Variants in ADARB1 observed in about 807,000 individuals in gnomAD.
The protein encoded by ADARB1 is double-stranded RNA-specific editase 1.
In ADARB1, 10 loss-of-function variants were observed where a neutral mutation model predicts 52.4. The observed-to-expected ratio is 0.19, with a 90% confidence interval of 0.12 to 0.32. The LOEUF (loss-of-function observed/expected upper bound fraction) is 0.32, where lower values mean the gene tolerates loss of function less well. Ranked by LOEUF, ADARB1 falls within the 10% of genes least tolerant of loss-of-function variation. ADARB1 has a pLI of 1.00. For missense variants in ADARB1, 643 were observed against 922.3 expected, an observed-to-expected ratio of 0.70 and a Z score of 3.92; for synonymous variants, 349 against 371.1, an observed-to-expected ratio of 0.94 and a Z score of 0.68.
chr21:45,197,466 C>T (rs1332261536), intron 8 of ADARB1, among the ~76,000 whole-genome samples: 1 of 151,008 alleles, frequency 6.6e-6, no homozygotes, highest in Non-Finnish European at 1.5e-5. Context: ...CGCCACTGCG[C>T]TCCAGCCTGG....
At chr21:45,173,832 C>G (rs1178309925) in intron 3 of ADARB1, among the ~76,000 whole-genome samples, 1 of 151,704 alleles carries the variant, frequency 6.6e-6, no homozygotes, top group African/African-American at 2.4e-5. Flanking sequence ...TCAGCTTTGT[C>G]AACTGGGAGA....
intron 9 of ADARB1, among the ~76,000 whole-genome samples, chr21:45,217,469 C>T (rs1216516763): frequency 6.6e-6 from 1 of 152,048 alleles, no homozygotes; most frequent in Non-Finnish European, 1.5e-5. Context: ...GTAAAAGAAC[C>T]TTACAACAGG....
At chr21:45,092,194 G>A (rs1016940190) in intron 1 of ADARB1, among the ~76,000 whole-genome samples, 1 of 152,136 alleles carries the variant, frequency 6.6e-6, no homozygotes, top group Non-Finnish European at 1.5e-5. Flanking sequence ...TTCAGAAGGT[G>A]CAGCCTTGCC....
Position 45,200,584 on chromosome 21 carries a change from G to T in ADARB1, c.1566-3971G>T, listed in dbSNP as rs911554230. On this transcript the variant is annotated intron_variant, in intron 8 of 10. Coordinates refer to ENST00000348831, the MANE Select transcript of ADARB1 (RefSeq NM_001112.4). This position sits in a 1 kb window ranked among gnomAD's most constrained non-coding sequence, Gnocchi z 5.0. ...GCACAGGAAGGGGGATGGCTTTATTGTAGGGAAAGGGGGAGGCTTTGGGTA... is the reference window on the plus strand; with the variant it reads ...GCACAGGAAGGGGGATGGCTTTATTTTAGGGAAAGGGGGAGGCTTTGGGTA... Among the ~76,000 whole-genome samples the T allele has an allele frequency of 1.3e-5, 2 of 152,174 alleles. No homozygotes were observed. The highest frequency in any genetic ancestry group is 4.1e-4 in the South Asian group (2 of 4,826).
At chr21:45,189,911 T>G (rs1463742452) in intron 8 of ADARB1, among the ~76,000 whole-genome samples, 1 of 152,288 alleles carries the variant, frequency 6.6e-6, no homozygotes, top group East Asian at 1.9e-4. Flanking sequence ...GATTAAAATG[T>G]GTCTTAGTGT....
chr21:45,218,688 G>A (rs1256838792), intron 9 of ADARB1, among the ~76,000 whole-genome samples: 2 of 152,186 alleles, frequency 1.3e-5, no homozygotes, highest in Non-Finnish European at 2.9e-5. Flanking sequence ...CTGTCATCTG[G>A]GTTTTGATAT....
chr21:45,205,852 G>A (rs2092655822), intron 9 of ADARB1, among the ~76,000 whole-genome samples: 1 of 152,140 alleles, frequency 6.6e-6, no homozygotes, highest in Non-Finnish European at 1.5e-5. Context: ...TGGGGTGTGT[G>A]TGTGCTTGTG....
At position 45,222,775 on chromosome 21, in the gene ADARB1, A is replaced by T. The variant is rs957894470; in HGVS notation, c.*578A>T. 1 of 985,798 alleles carries T rather than the reference A, an allele frequency of 1.0e-6. No individual in the cohort carries two copies. The highest frequency in any genetic ancestry group is 1.2e-6 in the Non-Finnish European group (1 of 830,232). 61.1% of individuals were successfully genotyped at this position (985,798 alleles called of 1,614,324 possible). ...TTTCTCCGTAGGTACCTCCCTGGGTAGTTCCACACACTAGGTTGTAACAGT... is the reference window on the plus strand; with the variant it reads ...TTTCTCCGTAGGTACCTCCCTGGGTTGTTCCACACACTAGGTTGTAACAGT... On this transcript the variant is annotated 3_prime_UTR_variant, in exon 11 of 11. Transcript: ENST00000348831.
chr21:45,175,850 G>A lies in ADARB1; in HGVS notation c.149G>A (p.Gly50Asp). ...QLSNGGGGGP[G>D]RKRPLEEGSN... The stretch of plus-strand genomic sequence containing the variant: ...TCCAATGGGGGTGGTGGTGGCCCCG[G>A]CAGAAAGCGGCCCCTGGAGGAGGGC... Residue 50 changes from glycine (G) to aspartate (D), a missense_variant, in exon 4 of 11, where the codon GGC (glycine) becomes GAC (aspartate). Coordinates refer to ENST00000348831, the MANE Select transcript of ADARB1 (RefSeq NM_001112.4). The A allele has an allele frequency of 1.2e-6, 2 of 1,613,826 alleles. No individual in the cohort carries two copies. Among genetic ancestry groups the A allele is most frequent in the Non-Finnish European group, 1.7e-6 (2 of 1,179,918 alleles).
intron 2 of ADARB1, among the ~76,000 whole-genome samples, chr21:45,135,938 G>T (rs1218801045): frequency 1.3e-5 from 2 of 152,162 alleles, no homozygotes; most frequent in East Asian, 3.9e-4. Flanking sequence ...ACCATGCACA[G>T]CCCCTTTCCA....
chr21:45,211,441 T>C lies in ADARB1; in HGVS notation c.1747+6705T>C, dbSNP rs557111686. 7.1e-4 allele frequency among the ~76,000 whole-genome samples: 108 copies of C among 152,354 alleles called. 1 individual carries two copies. Among genetic ancestry groups the C allele is most frequent in the African/African-American group, 2.6e-3 (107 of 41,578 alleles). On this transcript the variant is annotated intron_variant, in intron 9 of 10. Coordinates refer to ENST00000348831, the MANE Select transcript of ADARB1 (RefSeq NM_001112.4). ...GAATAAAGGCCACTTTCAGTCGAGA[T>C]TGTAAGTACACATTTTCCTTGATCC...
chr21:45,081,651 C>G (rs796817242), intron 1 of ADARB1, among the ~76,000 whole-genome samples: 5 of 152,196 alleles, frequency 3.3e-5, no homozygotes, highest in Admixed American at 1.3e-4. Context: ...TTGGCATGAC[C>G]GAGGAGACAG....
intron 1 of ADARB1, among the ~76,000 whole-genome samples, chr21:45,122,235 CTAAT>C (rs1356182718): frequency 6.6e-6 from 1 of 152,202 alleles, no homozygotes; most frequent in Non-Finnish European, 1.5e-5. Flanking sequence ...TTTCCACAGT[CTAAT>C]TAAATTATAA....
chr21:45,204,104 G>A lies in ADARB1; in HGVS notation c.1566-451G>A, dbSNP rs1293845406. Among the ~76,000 whole-genome samples the A allele has an allele frequency of 1.3e-5, 2 of 152,170 alleles. No individual in the cohort carries two copies. Among genetic ancestry groups the A allele is most frequent in the Admixed American group, 6.5e-5 (1 of 15,268 alleles). ...ATCCCGGGCTGGACAGCACAAGATC[G>A]CACCACACTCCTCAGAACGGCATAC... On this transcript the variant is annotated intron_variant, in intron 8 of 10. Coordinates refer to ENST00000348831, the MANE Select transcript of ADARB1 (RefSeq NM_001112.4). This position sits in a 1 kb window ranked among gnomAD's most constrained non-coding sequence, Gnocchi z 4.4.
chr21:45,223,661 G>A lies in ADARB1; in HGVS notation c.*1464G>A, dbSNP rs373423578. The A allele has an allele frequency of 2.0e-6, 2 of 985,610 alleles. No individual in the cohort carries two copies. Among genetic ancestry groups the A allele is most frequent in the South Asian group, 9.4e-5 (2 of 21,282 alleles). The allele number at this position is 985,610 out of a possible 1,614,324, so 61.1% of individuals were successfully genotyped here. A position where few individuals can be genotyped will look rare whatever the true frequency, so the allele number is the denominator to read the frequency against. On this transcript the variant is annotated 3_prime_UTR_variant, in exon 11 of 11. Coordinates refer to ENST00000348831, the MANE Select transcript of ADARB1 (RefSeq NM_001112.4). Reference sequence around the variant, plus strand: ...CTGCCACAGCGAAATCCAGGGTGTTGGCACCTGTGTGTCCGTGATGAGCCT... The same window carrying A: ...CTGCCACAGCGAAATCCAGGGTGTTAGCACCTGTGTGTCCGTGATGAGCCT...
intron 9 of ADARB1, among the ~76,000 whole-genome samples, chr21:45,218,467 T>C (rs2092907303): frequency 6.6e-6 from 1 of 152,234 alleles, no homozygotes; most frequent in South Asian, 2.1e-4. Context: ...GGAGGCTGTT[T>C]CCCAGCCTTG....
chr21:45,131,660 C>T (rs185449076), intron 2 of ADARB1, among the ~76,000 whole-genome samples: 120 of 152,290 alleles, frequency 7.9e-4, no homozygotes, highest in African/African-American at 2.7e-3. Context: ...GCCGCCTGAC[C>T]GACTGGTCAG....
Position 45,220,960 on chromosome 21 carries a change from G to A in ADARB1, c.1872G>A (p.Ala624=), listed in dbSNP as rs202057345. ...CTGGGAAGGATGAGCTGGGCCGCGC[G>A]TCCCGCCTGTGTAAGCACGCGTTGT... is the stretch of plus-strand genomic sequence containing the variant. The part of the protein sequence containing the change: ...ATTGKDELGR[A]SRLCKHALYC... Residue 624 remains alanine (A), a synonymous_variant, in exon 10 of 11, where the codon GCG becomes GCA. Transcript: ENST00000348831. The surrounding 1 kb of genome is among the most constrained non-coding windows in gnomAD (Gnocchi z 6.3). 2.8e-4 allele frequency: 453 copies of A among 1,613,210 alleles called. 2 individuals carry two copies. The highest frequency in any genetic ancestry group is 5.0e-5 in the Admixed American group (3 of 60,032).
chr21:45,216,297 A>G (rs1208156949), intron 9 of ADARB1, among the ~76,000 whole-genome samples: 1 of 151,670 alleles, frequency 6.6e-6, no homozygotes, highest in African/African-American at 2.4e-5. Flanking sequence ...TTTGTTTTAT[A>G]TTTCAATAAT....
Sources: allele counts gnomAD v4.1 joint callset (sites outside exome capture counted in the v4.1 genomes callset), GRCh38; gene constraint gnomAD v4.1.1; non-coding constraint Gnocchi (gnomAD v3.1); transcripts MANE v1.5; gene names NCBI Gene and HGNC (gene_info 2026-07-23, HGNC 2026-07-21).